Variants in HCN1 observed in about 807,000 individuals in gnomAD.
HCN1 encodes the protein potassium/sodium hyperpolarization-activated cyclic nucleotide-gated channel 1.
In HCN1, 13 loss-of-function variants were observed where a neutral mutation model predicts 78.9. The observed-to-expected ratio is 0.16, with a 90% confidence interval of 0.11 to 0.26. HCN1 has a LOEUF of 0.26. HCN1 is among the 10% of genes least tolerant of loss of function. HCN1 has a pLI of 1.00. For missense variants in HCN1, 810 were observed against 1,154.3 expected (o/e 0.70, Z 4.32); for synonymous variants, 552 against 455.5 (o/e 1.21, Z -2.70).
At chr5:45,525,580 A>G (rs1742721178) in intron 2 of HCN1, among the ~76,000 whole-genome samples, 2 of 151,946 alleles carry the variant, frequency 1.3e-5, no homozygotes, top group South Asian at 4.1e-4. Flanking sequence ...GGAGTAATAA[A>G]TAAATAAAAA....
At chr5:45,472,763 T>C (rs1254312486) in intron 2 of HCN1, among the ~76,000 whole-genome samples, 6 of 152,000 alleles carry the variant, frequency 3.9e-5, no homozygotes, top group African/African-American at 1.4e-4. Flanking sequence ...ACTTATCACA[T>C]GTCTGTAATA....
intron 2 of HCN1, among the ~76,000 whole-genome samples, chr5:45,576,900 T>G (rs1243037370): frequency 6.6e-6 from 1 of 152,058 alleles, no homozygotes; most frequent in Admixed American, 6.6e-5. Context: ...ATCCTGAACC[T>G]AATCTTTTAT....
rs183986699 is a variant in HCN1, at chr5:45,508,929, G to A, written c.850-46922C>T. On this transcript the variant is annotated intron_variant, in intron 2 of 7. Coordinates refer to ENST00000303230, the MANE Select transcript of HCN1 (RefSeq NM_021072.4). ...ATGGTTTTCATCATCATTTTTATTCGCCATAATTCAATTTATCCTACTATT... is the reference window on the plus strand; with the variant it reads ...ATGGTTTTCATCATCATTTTTATTCACCATAATTCAATTTATCCTACTATT... Among the ~76,000 whole-genome samples, 290 of 151,926 alleles carry A rather than the reference G, an allele frequency of 1.9e-3. 1 individual carries two copies. Among genetic ancestry groups the A allele is most frequent in the African/African-American group, 6.7e-3 (277 of 41,496 alleles).
rs1052451354 is a variant in HCN1 at position 45,433,010 on chromosome 5, G to A, written c.1011+28836C>T. 2.0e-5 allele frequency among the ~76,000 whole-genome samples: 3 copies of A among 152,010 alleles called. No individual in the cohort carries two copies. The South Asian group carries it at 6.2e-4, about 32-fold the overall frequency. On this transcript the variant is annotated intron_variant, in intron 3 of 7. Coordinates refer to ENST00000303230, the MANE Select transcript of HCN1 (RefSeq NM_021072.4). ...CCTTTATAAAACCATCATATCTCAT[G>A]AGACTTACGCAGTATCATGAGAACA...
At chr5:45,338,386 G>T (rs189764317) in intron 5 of HCN1, among the ~76,000 whole-genome samples, 2 of 152,056 alleles carry the variant, frequency 1.3e-5, no homozygotes, top group Admixed American at 1.3e-4. Flanking sequence ...AGTATTTTAG[G>T]TTGAAATCAT....
intron 1 of HCN1, among the ~76,000 whole-genome samples, chr5:45,684,968 G>T (rs1739774229): frequency 6.6e-6 from 1 of 152,154 alleles, no homozygotes; most frequent in South Asian, 2.1e-4. Flanking sequence ...TTAATAAGGT[G>T]CATTGTCTTT....
intron 2 of HCN1, among the ~76,000 whole-genome samples, chr5:45,464,515 C>G (rs1273640584): frequency 6.6e-6 from 1 of 152,046 alleles, no homozygotes; most frequent in Admixed American, 6.6e-5. Context: ...ATTGACATCA[C>G]TTTTGGAGCT....
intron 5 of HCN1, among the ~76,000 whole-genome samples, chr5:45,318,619 A>G (rs1746053855): frequency 1.3e-5 from 2 of 151,634 alleles, no homozygotes; most frequent in Non-Finnish European, 2.9e-5. Context: ...AAAGAAAAAA[A>G]AAGTATTTGC....
At chr5:45,514,833 T>C (rs919163243) in intron 2 of HCN1, among the ~76,000 whole-genome samples, 3 of 152,090 alleles carry the variant, frequency 2.0e-5, no homozygotes, top group Admixed American at 6.6e-5. Context: ...CAGACTTTAC[T>C]TGAATATTTC....
chr5:45,577,983 C>T (rs1278382030), intron 2 of HCN1, among the ~76,000 whole-genome samples: 1 of 152,002 alleles, frequency 6.6e-6, no homozygotes, highest in East Asian at 1.9e-4. Flanking sequence ...GGTTTTTGAA[C>T]ACATGCTTAG....
chr5:45,505,489 G>A lies in HCN1; in HGVS notation c.850-43482C>T, dbSNP rs566950671. The stretch of plus-strand genomic sequence containing the variant: ...TCTGTTTTGGTACCAGTAACATGCC[G>A]TTTTGGTTGCTGTAGCCTTGTAGTA... On this transcript the variant is annotated intron_variant, in intron 2 of 7. Coordinates refer to ENST00000303230, the MANE Select transcript of HCN1 (RefSeq NM_021072.4). 4.6e-5 allele frequency among the ~76,000 whole-genome samples: 7 copies of A among 152,250 alleles called. No individual in the cohort carries two copies. In the South Asian group the frequency reaches 1.2e-3, roughly 27 times the overall value.
intron 2 of HCN1, among the ~76,000 whole-genome samples, chr5:45,548,768 T>A (rs1039439903): frequency 6.6e-6 from 1 of 152,132 alleles, no homozygotes; most frequent in Non-Finnish European, 1.5e-5. Flanking sequence ...GCTCAAAATC[T>A]CCTTAAGCTG....
At chr5:45,405,016 A>G (rs1435283519) in intron 3 of HCN1, among the ~76,000 whole-genome samples, 2 of 152,218 alleles carry the variant, frequency 1.3e-5, no homozygotes, top group Non-Finnish European at 2.9e-5. Flanking sequence ...TGAAGTGCAC[A>G]AACCAACTGC....
intron 1 of HCN1, among the ~76,000 whole-genome samples, chr5:45,650,995 G>T (rs1301423397): frequency 6.6e-6 from 1 of 151,866 alleles, no homozygotes; most frequent in African/African-American, 2.4e-5. Context: ...TACTAAAGGT[G>T]CTTGTATTTA....
chr5:45,663,697 A>T lies in HCN1; in HGVS notation c.426-18089T>A, dbSNP rs1452187964. Among the ~76,000 whole-genome samples, 779 of 152,148 alleles carry T rather than the reference A, an allele frequency of 5.1e-3. 9 individuals carry two copies. Among genetic ancestry groups the T allele is most frequent in the African/African-American group, 0.017 (693 of 41,468 alleles). On this transcript the variant is annotated intron_variant, in intron 1 of 7. Transcript: ENST00000303230. Reference sequence around the variant, plus strand: ...GAAGACATTTATGCAGCCAAAAAACACATGAAAAAATGCTCATCATCACTG... The same window carrying T: ...GAAGACATTTATGCAGCCAAAAAACTCATGAAAAAATGCTCATCATCACTG...
intron 2 of HCN1, among the ~76,000 whole-genome samples, chr5:45,560,925 A>G (rs1215083636): frequency 6.6e-6 from 1 of 152,144 alleles, no homozygotes; most frequent in Non-Finnish European, 1.5e-5. Flanking sequence ...AGGAAATAAA[A>G]CCTCTTTACA....
intron 2 of HCN1, among the ~76,000 whole-genome samples, chr5:45,494,753 C>A (rs1475522846): frequency 2.0e-4 from 30 of 152,094 alleles, no homozygotes; most frequent in Middle Eastern, 3.2e-3. Flanking sequence ...TAAGTCTTTA[C>A]TCCATCTTGA....
At chr5:45,410,370 T>G (rs933819538) in intron 3 of HCN1, among the ~76,000 whole-genome samples, 3 of 151,994 alleles carry the variant, frequency 2.0e-5, no homozygotes, top group Non-Finnish European at 4.4e-5. Flanking sequence ...CTATGATCTG[T>G]ACTGTCCAAT....
chr5:45,291,260 T>C (rs147540318), intron 6 of HCN1, among the ~76,000 whole-genome samples: 5 of 152,196 alleles, frequency 3.3e-5, no homozygotes, highest in African/African-American at 1.2e-4. Context: ...CTTTATTCAC[T>C]GTTCACTACC....
Sources: gnomAD v4.1 joint callset for allele counts (sites outside exome capture counted in the v4.1 genomes callset) on GRCh38, gnomAD v4.1.1 for gene constraint, MANE v1.5 for transcripts, NCBI Gene and HGNC (gene_info 2026-07-23, HGNC 2026-07-21) for gene names.